RBFOX1: variants seen among roughly 807,000 people sequenced by gnomAD.
The protein encoded by RBFOX1 is RNA binding fox-1 homolog 1.
A neutral mutation model predicts 57.7 loss-of-function variants in RBFOX1; 8 were observed. That is an observed-to-expected ratio of 0.14 (90% CI 0.08 to 0.25). The LOEUF is 0.25. Ranked by LOEUF, RBFOX1 falls within the 10% of genes least tolerant of loss-of-function variation. The pLI is 1.00. For synonymous variants in RBFOX1, 326 were observed against 222.4 expected, an observed-to-expected ratio of 1.47 and a Z score of -4.15; for missense variants, 611 against 548.5, an observed-to-expected ratio of 1.11 and a Z score of -1.14.
chr16:6,170,618 G>C (rs573657829), intron 1 of RBFOX1, among the ~76,000 whole-genome samples: 1 of 152,248 alleles, frequency 6.6e-6, no homozygotes, highest in Admixed American at 6.5e-5. Context: ...TTTAGGCTCA[G>C]GGGTGCATAA....
intron 1 of RBFOX1, among the ~76,000 whole-genome samples, chr16:5,355,060 GAGAA>G (rs1567377512): frequency 6.6e-6 from 1 of 151,970 alleles, no homozygotes; most frequent in African/African-American, 2.4e-5. Context: ...AGAGAAGAGA[GAGAA>G]AGAGAGAAAT....
In RBFOX1 at chr16:7,403,745, C is replaced by T. The variant is rs556778063; in HGVS notation, c.28-114402C>T. ...ATTTTTAGTAGAGACAGGGTTTCAC[C>T]ATGTTGGCCAGGTTGGTCTCGAACT... is the stretch of plus-strand genomic sequence containing the variant. On this transcript the variant is annotated intron_variant, in intron 4 of 15. Coordinates refer to ENST00000550418, the MANE Select transcript of RBFOX1 (RefSeq NM_018723.4). Among the ~76,000 whole-genome samples, 3 of 152,128 alleles carry T rather than the reference C, an allele frequency of 2.0e-5. No individual in the cohort carries two copies. In the East Asian group the frequency reaches 5.8e-4, roughly 30 times the overall value.
chr16:5,623,848 A>G (rs960557043), intron 3 of RBFOX1, among the ~76,000 whole-genome samples: 2 of 152,164 alleles, frequency 1.3e-5, no homozygotes, highest in African/African-American at 4.8e-5. Flanking sequence ...AAACGGCTCT[A>G]TTGAGATATC....
At chr16:6,679,975 T>G (rs1375722594) in intron 3 of RBFOX1, among the ~76,000 whole-genome samples, 1 of 148,140 alleles carries the variant, frequency 6.8e-6, no homozygotes, top group Non-Finnish European at 1.5e-5. Flanking sequence ...ATAATCTGCC[T>G]GACAGGCAAG....
rs976946016 is a variant in RBFOX1 at position 5,585,339 on chromosome 16, T to C, written c.259-13563T>C. Among the ~76,000 whole-genome samples, 16 of 152,244 alleles carry C rather than the reference T, an allele frequency of 1.1e-4. 1 individual carries two copies. Among genetic ancestry groups the C allele is most frequent in the Admixed American group, 2.0e-4 (3 of 15,286 alleles). On this transcript the variant is annotated intron_variant, in intron 2 of 2. Coordinates refer to the RBFOX1 transcript ENST00000585867. ...TCATCCCTGTTGTGGAATGACTCAG[T>C]CCTTCTTTTTTAAGGCTGAATAATA...
In RBFOX1 at chr16:7,251,785, G is replaced by A. The variant is rs370802340; in HGVS notation, c.27+199687G>A. On this transcript the variant is annotated intron_variant, in intron 4 of 15. Coordinates refer to ENST00000550418, the MANE Select transcript of RBFOX1 (RefSeq NM_018723.4). ...TATCTTAGCTATAGTGAATAATGCT[G>A]CAGTGAACCTGGGAGTGCAGATATC... is the stretch of plus-strand genomic sequence containing the variant. 3.3e-5 allele frequency among the ~76,000 whole-genome samples: 5 copies of A among 152,256 alleles called. No individual in the cohort carries two copies. In the East Asian group the frequency reaches 5.8e-4, roughly 18 times the overall value.
At chr16:5,827,093 G>T (rs1432932905) in intron 3 of RBFOX1, among the ~76,000 whole-genome samples, 3 of 152,116 alleles carry the variant, frequency 2.0e-5, no homozygotes, top group African/African-American at 7.2e-5. Context: ...TCACACATGA[G>T]ACCCTCCTTT....
intron 3 of RBFOX1, among the ~76,000 whole-genome samples, chr16:6,860,064 T>G (rs1482543410): frequency 1.3e-5 from 2 of 152,202 alleles, no homozygotes; most frequent in Non-Finnish European, 2.9e-5. Context: ...CCGAGGTAAG[T>G]GAAGAGAGAG....
intron 3 of RBFOX1, among the ~76,000 whole-genome samples, chr16:5,726,424 C>T (rs77255950): frequency 0.012 from 1,880 of 152,286 alleles, 47 homozygotes; most frequent in African/African-American, 0.042. Context: ...AGACAACAAC[C>T]CCTCCATTGC....
intron 4 of RBFOX1, among the ~76,000 whole-genome samples, chr16:7,312,882 C>G (rs1306996658): frequency 8.7e-6 from 1 of 114,672 alleles, no homozygotes; most frequent in Non-Finnish European, 1.9e-5. Context: ...GATCGTCACC[C>G]AGGAGAGTCT....
intron 3 of RBFOX1, among the ~76,000 whole-genome samples, chr16:6,870,286 C>T (rs1013039691): frequency 2.6e-5 from 4 of 152,020 alleles, no homozygotes; most frequent in Non-Finnish European, 5.9e-5. Context: ...TGAAAAAATC[C>T]GTGCCTTTTT....
At chr16:7,368,964 T>C (rs2097518846) in intron 4 of RBFOX1, among the ~76,000 whole-genome samples, 1 of 152,050 alleles carries the variant, frequency 6.6e-6, no homozygotes, top group African/African-American at 2.4e-5. Flanking sequence ...CTTTCTTTTT[T>C]TTAACACAAT....
chr16:6,591,655 T>C (rs1489902066), intron 2 of RBFOX1, among the ~76,000 whole-genome samples: 3 of 152,190 alleles, frequency 2.0e-5, no homozygotes, highest in Non-Finnish European at 4.4e-5. Flanking sequence ...GTCTTAGCTG[T>C]TGTGACACGG....
chr16:6,760,185 C>T (rs865790254), intron 3 of RBFOX1, among the ~76,000 whole-genome samples: 2 of 152,130 alleles, frequency 1.3e-5, no homozygotes, highest in African/African-American at 2.4e-5. Context: ...TGTTTGACTC[C>T]TTGGATATTT....
At chr16:7,244,588 G>A (rs954827345) in intron 4 of RBFOX1, among the ~76,000 whole-genome samples, 1 of 152,170 alleles carries the variant, frequency 6.6e-6, no homozygotes, top group Non-Finnish European at 1.5e-5. Flanking sequence ...ACTTTAATTA[G>A]GACACAATGG....
At chr16:7,616,422 G>T (rs941150119) in intron 10 of RBFOX1, among the ~76,000 whole-genome samples, 2 of 152,330 alleles carry the variant, frequency 1.3e-5, no homozygotes, top group South Asian at 2.1e-4. Context: ...TAGGCAAGCT[G>T]CACCTGCATG....
At chr16:7,432,012 C>A (rs974087261) in intron 4 of RBFOX1, among the ~76,000 whole-genome samples, 1 of 152,180 alleles carries the variant, frequency 6.6e-6, no homozygotes, top group East Asian at 1.9e-4. Flanking sequence ...CTAGAAGGTC[C>A]GCTCCTTCCA....
intron 1 of RBFOX1, among the ~76,000 whole-genome samples, chr16:5,421,831 T>C (rs1272884440): frequency 6.6e-6 from 1 of 152,106 alleles, no homozygotes; most frequent in Non-Finnish European, 1.5e-5. Flanking sequence ...GAGGCCGTTG[T>C]TGGGTGAGCA....
intron 4 of RBFOX1, among the ~76,000 whole-genome samples, chr16:7,439,325 A>G (rs922341675): frequency 6.6e-6 from 1 of 151,580 alleles, no homozygotes; most frequent in African/African-American, 2.4e-5. Context: ...ATGGAACGTC[A>G]TGAGTCTGTA....
Sources: allele counts gnomAD v4.1 joint callset (sites outside exome capture counted in the v4.1 genomes callset), GRCh38; gene constraint gnomAD v4.1.1; transcripts MANE v1.5; gene names NCBI Gene and HGNC (gene_info 2026-07-23, HGNC 2026-07-21).